The following GALNTL6 variants were observed in gnomAD, a reference collection of about 807,000 sequenced individuals.
GALNTL6 encodes polypeptide N-acetylgalactosaminyltransferase like 6.
Under a neutral mutation model 73.7 loss-of-function variants are expected in GALNTL6, and 46 were observed. The observed-to-expected ratio is 0.62, with a 90% confidence interval of 0.49 to 0.80. GALNTL6 has a LOEUF of 0.80. Among genes scored for constraint, GALNTL6 ranks in the 30% least tolerant of loss-of-function variants. The pLI is 0.00. For synonymous variants in GALNTL6, 259 were observed against 263.7 expected (o/e 0.98, Z 0.17); for missense variants, 604 against 755.0 (o/e 0.80, Z 2.34).
At chr4:172,655,899 A>C (rs1326731472) in intron 5 of GALNTL6, among the ~76,000 whole-genome samples, 2 of 152,202 alleles carry the variant, frequency 1.3e-5, no homozygotes, top group Non-Finnish European at 2.9e-5. Flanking sequence ...AGAGAAAAAG[A>C]AGGATGAAGA....
At chr4:172,471,619 A>G (rs1043020637) in intron 5 of GALNTL6, among the ~76,000 whole-genome samples, 5 of 152,208 alleles carry the variant, frequency 3.3e-5, no homozygotes, top group Non-Finnish European at 4.4e-5. Context: ...GGAATGATCT[A>G]GCTGAATGTC....
intron 2 of GALNTL6, among the ~76,000 whole-genome samples, chr4:172,043,804 G>A (rs1742150400): frequency 6.6e-6 from 1 of 151,994 alleles, no homozygotes; most frequent in African/African-American, 2.4e-5. Context: ...AATTTTGAAA[G>A]GTATGGCCTT....
intron 5 of GALNTL6, among the ~76,000 whole-genome samples, chr4:172,648,131 G>A (rs1176231781): frequency 6.6e-6 from 1 of 152,088 alleles, no homozygotes. Context: ...ACCTTTAGCT[G>A]TGTCAGATTG....
intron 2 of GALNTL6, among the ~76,000 whole-genome samples, chr4:171,847,259 G>A (rs151119561): frequency 2.0e-5 from 3 of 152,148 alleles, no homozygotes; most frequent in African/African-American, 7.2e-5. Flanking sequence ...TGAAAGTTGT[G>A]TTTACACTAT....
chr4:172,987,481 T>C (rs901083807), intron 10 of GALNTL6, among the ~76,000 whole-genome samples: 1 of 152,196 alleles, frequency 6.6e-6, no homozygotes, highest in Admixed American at 6.5e-5. Flanking sequence ...CAATTCAAGA[T>C]GAAGTTTTGG....
chr4:172,439,580 C>A (rs1396149651), intron 5 of GALNTL6, among the ~76,000 whole-genome samples: 2 of 151,678 alleles, frequency 1.3e-5, no homozygotes, highest in Non-Finnish European at 2.9e-5. Flanking sequence ...TTGGTTCTAT[C>A]TAGTTGATGG....
At position 172,765,999 on chromosome 4, in the gene GALNTL6, G is replaced by A. The variant is rs149918197; in HGVS notation, c.554-43362G>A. ...AAGAAAAAAGGAAAACCATTCAGGGGGATAAATTTCTCTAAGACTGGACTA... is the reference window on the plus strand; with the variant it reads ...AAGAAAAAAGGAAAACCATTCAGGGAGATAAATTTCTCTAAGACTGGACTA... On this transcript the variant is annotated intron_variant, in intron 5 of 12. Coordinates refer to ENST00000506823, the MANE Select transcript of GALNTL6 (RefSeq NM_001034845.3). 4.3e-3 allele frequency among the ~76,000 whole-genome samples: 652 copies of A among 152,098 alleles called. 5 individuals carry two copies. Among genetic ancestry groups the A allele is most frequent in the African/African-American group, 0.015 (602 of 41,474 alleles).
At chr4:172,157,046 T>A (rs1488564296) in intron 2 of GALNTL6, among the ~76,000 whole-genome samples, 1 of 152,130 alleles carries the variant, frequency 6.6e-6, no homozygotes, top group Non-Finnish European at 1.5e-5. Context: ...GGAACAATAT[T>A]TATAAGATGG....
At chr4:172,957,620 G>A (rs987726036) in intron 10 of GALNTL6, among the ~76,000 whole-genome samples, 9 of 152,168 alleles carry the variant, frequency 5.9e-5, no homozygotes, top group African/African-American at 1.9e-4. Flanking sequence ...GAAGTAAAGC[G>A]GCTTTGAGAA....
intron 5 of GALNTL6, among the ~76,000 whole-genome samples, chr4:172,469,837 A>G (rs1374265059): frequency 6.6e-6 from 1 of 152,216 alleles, no homozygotes; most frequent in Non-Finnish European, 1.5e-5. Flanking sequence ...TCCTGATTTT[A>G]CATTGTACAG....
At chr4:171,917,164 A>C (rs1285843106) in intron 2 of GALNTL6, among the ~76,000 whole-genome samples, 2 of 152,088 alleles carry the variant, frequency 1.3e-5, no homozygotes, top group Non-Finnish European at 2.9e-5. Context: ...TATGTGAATA[A>C]CTTAGTTGCA....
At chr4:172,587,830 G>A (rs890634179) in intron 5 of GALNTL6, among the ~76,000 whole-genome samples, 2 of 152,120 alleles carry the variant, frequency 1.3e-5, no homozygotes, top group Admixed American at 1.3e-4. Flanking sequence ...GTGTGTGCAT[G>A]TACACACATA....
Position 172,468,596 on chromosome 4 carries a change from A to G in GALNTL6, c.553+119907A>G, listed in dbSNP as rs1732926857. 1.3e-5 allele frequency among the ~76,000 whole-genome samples: 2 copies of G among 152,192 alleles called. 1 individual carries two copies. Among genetic ancestry groups the G allele is most frequent in the African/African-American group, 4.8e-5 (2 of 41,450 alleles). On this transcript the variant is annotated intron_variant, in intron 5 of 12. Transcript: ENST00000506823. ...TAGAAACTATTTGATCTATTTATAT[A>G]TTTTATAGAAATGTCTCCTCCTATA... is the stretch of plus-strand genomic sequence containing the variant.
chr4:172,590,408 T>C (rs187622114), intron 5 of GALNTL6, among the ~76,000 whole-genome samples: 82 of 152,012 alleles, frequency 5.4e-4, no homozygotes, highest in Non-Finnish European at 9.9e-4. Flanking sequence ...CATTAGGCAA[T>C]TGAAAAAAAA....
intron 2 of GALNTL6, among the ~76,000 whole-genome samples, chr4:172,217,346 A>G (rs1258370531): frequency 1.3e-5 from 2 of 152,344 alleles, no homozygotes; most frequent in South Asian, 4.2e-4. Context: ...GTCGCAATAT[A>G]TAGGGTTCAA....
At chr4:172,227,544 A>T (rs929142741) in intron 2 of GALNTL6, among the ~76,000 whole-genome samples, 1 of 152,136 alleles carries the variant, frequency 6.6e-6, no homozygotes, top group Non-Finnish European at 1.5e-5. Context: ...GTCAATCTTT[A>T]TCTTTTCACA....
At chr4:172,754,277 A>G (rs758548401) in intron 5 of GALNTL6, among the ~76,000 whole-genome samples, 11 of 152,230 alleles carry the variant, frequency 7.2e-5, no homozygotes, top group Non-Finnish European at 1.6e-4. Context: ...ACAGAATATA[A>G]CATAGATTTT....
At chr4:171,990,272 C>A (rs1456865236) in intron 2 of GALNTL6, among the ~76,000 whole-genome samples, 1 of 152,152 alleles carries the variant, frequency 6.6e-6, no homozygotes, top group Non-Finnish European at 1.5e-5. Flanking sequence ...ATGTATTGGG[C>A]AGCCTTCTAA....
chr4:172,166,300 G>A (rs899262099), intron 2 of GALNTL6, among the ~76,000 whole-genome samples: 1 of 152,086 alleles, frequency 6.6e-6, no homozygotes, highest in Non-Finnish European at 1.5e-5. Context: ...ACAATAAGTA[G>A]CCAGGCGTGG....
Sources: gnomAD v4.1 joint callset for allele counts (sites outside exome capture counted in the v4.1 genomes callset) on GRCh38, gnomAD v4.1.1 for gene constraint, MANE v1.5 for transcripts, NCBI Gene and HGNC (gene_info 2026-07-23, HGNC 2026-07-21) for gene names.